MGA: variants seen among roughly 807,000 people sequenced by gnomAD.
MGA encodes the protein MAX dimerization protein MGA, also known as MAX gene-associated protein.
In MGA, 40 loss-of-function variants were observed where a neutral mutation model predicts 261.1. The observed-to-expected ratio is 0.15, with a 90% CI of 0.12 to 0.20. The LOEUF is 0.20. Among genes scored for constraint, MGA ranks in the 10% least tolerant of loss-of-function variants. The pLI is 1.00. For synonymous variants in MGA, 1,302 were observed against 1,290.6 expected, an observed-to-expected ratio of 1.01 and a Z score of -0.19; for missense variants, 3,397 against 3,630.5, an observed-to-expected ratio of 0.94 and a Z score of 1.65.
intron 15 of MGA, among the ~76,000 whole-genome samples, chr15:41,744,270 C>G (rs1008093925): frequency 6.6e-6 from 1 of 152,092 alleles, no homozygotes; most frequent in Non-Finnish European, 1.5e-5. Context: ...ATGGCAGAAT[C>G]TCAGCTCACT....
intron 1 of MGA, among the ~76,000 whole-genome samples, chr15:41,625,896 A>G (rs2056439222): frequency 6.6e-6 from 1 of 152,188 alleles, no homozygotes; most frequent in Non-Finnish European, 1.5e-5. Context: ...ATATCCCTTT[A>G]TAGTACTTCT....
intron 2 of MGA, among the ~76,000 whole-genome samples, chr15:41,674,053 G>A (rs1041534842): frequency 2.6e-5 from 4 of 151,778 alleles, no homozygotes; most frequent in African/African-American, 7.3e-5. Flanking sequence ...TACCACACCC[G>A]GCTAATTTTT....
intron 2 of MGA, among the ~76,000 whole-genome samples, chr15:41,690,565 A>C (rs1260863652): frequency 6.6e-6 from 1 of 152,058 alleles, no homozygotes; most frequent in Non-Finnish European, 1.5e-5. Context: ...TGTCAATATC[A>C]CACTGTTGAC....
chr15:41,641,945 G>A (rs1366110769), intron 1 of MGA, among the ~76,000 whole-genome samples: 4 of 151,952 alleles, frequency 2.6e-5, no homozygotes, highest in Admixed American at 1.3e-4. Context: ...ACAGGTGCAC[G>A]CCACCACACC....
At position 41,691,923 on chromosome 15, in the gene MGA, G is replaced by A. The variant is rs186357289; in HGVS notation, c.1065-4152G>A. ...TGACTTTTTTTTTTTCCTTCTATTCGTCCCCATTGTTGCTTACTGAGCTTC... is the reference window on the plus strand; with the variant it reads ...TGACTTTTTTTTTTTCCTTCTATTCATCCCCATTGTTGCTTACTGAGCTTC... On this transcript the variant is annotated intron_variant, in intron 2 of 23. Coordinates refer to ENST00000219905, the MANE Select transcript of MGA (RefSeq NM_001164273.2). Among the ~76,000 whole-genome samples, 58 of 147,420 alleles carry A rather than the reference G, an allele frequency of 3.9e-4. 1 individual carries two copies. Among genetic ancestry groups the A allele is most frequent in the Admixed American group, 3.8e-3 (55 of 14,642 alleles).
At chr15:41,701,874 T>C (rs2059871253) in intron 5 of MGA, among the ~76,000 whole-genome samples, 1 of 152,246 alleles carries the variant, frequency 6.6e-6, no homozygotes, top group African/African-American at 2.4e-5. Flanking sequence ...TTCAACTACA[T>C]GCTGACACAG....
intron 2 of MGA, among the ~76,000 whole-genome samples, chr15:41,692,196 C>G (rs893164734): frequency 4.6e-5 from 7 of 152,142 alleles, no homozygotes; most frequent in African/African-American, 1.7e-4. Flanking sequence ...CCTCTCGTTT[C>G]AGCTGTGTCA....
chr15:41,750,032 T>C lies in MGA; in HGVS notation c.6425T>C (p.Leu2142Ser). 1 of 1,613,138 alleles carries C rather than the reference T, an allele frequency of 6.2e-7. No homozygotes were observed. Among genetic ancestry groups the C allele is most frequent in the South Asian group, 1.1e-5 (1 of 90,972 alleles). ...TTTAAGGAAGAAAGTAAATTTGAAT[T>C]GTCAGGAAGCAAAGTTATGGAGCAG... Residue 2142 changes from leucine (L) to serine (S), a missense_variant, in exon 17 of 24, where the codon TTG (leucine) becomes TCG (serine). Coordinates refer to ENST00000219905, the MANE Select transcript of MGA (RefSeq NM_001164273.2).
chr15:41,657,372 G>A (rs1403575856), upstream of MGA, among the ~76,000 whole-genome samples: 1 of 90,704 alleles, frequency 1.1e-5, no homozygotes, highest in Non-Finnish European at 2.0e-5. Context: ...TTTTTTTTTT[G>A]AGATGGAGTC....
chr15:41,635,519 C>A (rs972865425), intron 1 of MGA, among the ~76,000 whole-genome samples: 18 of 151,760 alleles, frequency 1.2e-4, no homozygotes, highest in Non-Finnish European at 2.5e-4. Flanking sequence ...AGTGAGACCC[C>A]CCCCCTCCTA....
At chr15:41,640,121 A>G (rs2056791767) in intron 1 of MGA, among the ~76,000 whole-genome samples, 1 of 152,204 alleles carries the variant, frequency 6.6e-6, no homozygotes, top group Non-Finnish European at 1.5e-5. Context: ...GATGATTTCA[A>G]TAGGAGGAGA....
chr15:41,638,907 T>C (rs925958250), intron 1 of MGA, among the ~76,000 whole-genome samples: 1 of 151,966 alleles, frequency 6.6e-6, no homozygotes, highest in African/African-American at 2.4e-5. Flanking sequence ...GATGGGGTTT[T>C]GCCTTATTGC....
At chr15:41,659,219 ATGT>A (rs1279869846), upstream of MGA, among the ~76,000 whole-genome samples, 7 of 152,172 alleles carry the variant, frequency 4.6e-5, no homozygotes, top group African/African-American at 1.2e-4. Flanking sequence ...GTTTCTGTCA[ATGT>A]TGTTGTATAT....
chr15:41,727,402 C>G lies in MGA; in HGVS notation c.3653C>G (p.Pro1218Arg), dbSNP rs1238997085. 1.2e-6 allele frequency: 2 copies of G among 1,611,762 alleles called. No individual in the cohort carries two copies. The highest frequency in any genetic ancestry group is 1.7e-6 in the Non-Finnish European group (2 of 1,178,626). Residue 1218 changes from proline (P) to arginine (R), a missense_variant, in exon 10 of 24, where the codon CCT (proline) becomes CGT (arginine). Transcript: ENST00000219905. ...CGGTCATATACTCCCAAACCCAATC[C>G]TGTGGTAAGTCTGGAATTTAATCTT...
In MGA at chr15:41,669,753, T is replaced by G; in HGVS notation, c.859T>G (p.Ser287Ala). The G allele has an allele frequency of 6.2e-7, 1 of 1,613,914 alleles. No individual in the cohort carries two copies. The highest frequency in any genetic ancestry group is 8.5e-7 in the Non-Finnish European group (1 of 1,179,828). ...CCAAGAAGGGAATAATATTTCCAGT[T>G]CTTCTGGTCATCGGGTCCGTCTTAC... Residue 287 changes from serine (S) to alanine (A), a missense_variant, in exon 2 of 24, where the codon TCT (serine) becomes GCT (alanine). This residue lies in a region of MGA where 563 missense variants were observed against 563.6 expected (regional missense o/e 1.00). Transcript: ENST00000219905.
rs34069193 is a variant in MGA, at chr15:41,762,461, GTTTTTTTTTTTTTT to G, written c.7744+116_7744+129del. 1.5e-3 allele frequency: 205 copies of G among 138,446 alleles called. 3 individuals are homozygous for G. The highest frequency in any genetic ancestry group is 6.6e-3 in the East Asian group (18 of 2,746). The allele number at this position is 138,446 out of a possible 1,614,324, so 8.6% of individuals were successfully genotyped here. On this transcript the variant is annotated intron_variant, in intron 22 of 23. Transcript: ENST00000219905. ...TTGTCCACATTTTTAGTTTTGTGTG[GTTTTTTTTTTTTTT>G]TTTTTTTTTTTTTTTTGGAGACAGC...
intron 5 of MGA, among the ~76,000 whole-genome samples, chr15:41,704,987 A>G (rs917231489): frequency 5.9e-5 from 9 of 152,228 alleles, no homozygotes; most frequent in African/African-American, 2.2e-4. Flanking sequence ...TATAGTTTAA[A>G]CTGACATGTA....
At chr15:41,755,034 T>G (rs1388117771) in intron 18 of MGA, among the ~76,000 whole-genome samples, 1 of 152,194 alleles carries the variant, frequency 6.6e-6, no homozygotes, top group Non-Finnish European at 1.5e-5. Flanking sequence ...TTTGGTTACT[T>G]TACTAGTTGA....
Position 41,762,376 on chromosome 15 carries a change from T to C in MGA, c.7744+14T>C. 1 of 1,601,630 alleles carries C rather than the reference T, an allele frequency of 6.2e-7. No individual in the cohort carries two copies. The highest frequency in any genetic ancestry group is 8.5e-7 in the Non-Finnish European group (1 of 1,170,418). On this transcript the variant is annotated intron_variant, in intron 22 of 23. Transcript: ENST00000219905. Reference sequence around the variant, plus strand: ...ACCAGGCCACAGGTAGGAGGGACATTCTTCGCTTTCCTTAATGTAGATATA... The same window carrying C: ...ACCAGGCCACAGGTAGGAGGGACATCCTTCGCTTTCCTTAATGTAGATATA...
Sources: allele counts gnomAD v4.1 joint callset (sites outside exome capture counted in the v4.1 genomes callset), GRCh38; gene constraint gnomAD v4.1.1; regional missense constraint gnomAD v4.1.1; transcripts MANE v1.5; gene names NCBI Gene and HGNC (gene_info 2026-07-23, HGNC 2026-07-21).